LOXL2: variants seen among roughly 807,000 people sequenced by gnomAD.
LOXL2 encodes lysyl oxidase like 2.
A neutral mutation model predicts 93.0 loss-of-function variants in LOXL2; 70 were observed. That is an observed-to-expected ratio of 0.75 (90% CI 0.62 to 0.92). The LOEUF (loss-of-function observed/expected upper bound fraction) is 0.92, where lower values mean the gene tolerates loss of function less well. Among genes scored for constraint, LOXL2 ranks in the 40% least tolerant of loss-of-function variants. The pLI is 0.00. For missense variants in LOXL2, 973 were observed against 1,054.9 expected, an observed-to-expected ratio of 0.92 and a Z score of 1.08; for synonymous variants, 438 against 413.2, an observed-to-expected ratio of 1.06 and a Z score of -0.73.
At chr8:23,360,832 G>A (rs1804277148) in intron 2 of LOXL2, among the ~76,000 whole-genome samples, 1 of 152,144 alleles carries the variant, frequency 6.6e-6, no homozygotes. Context: ...AGCAGAGGCT[G>A]AACTTTGACC....
intron 9 of LOXL2, among the ~76,000 whole-genome samples, chr8:23,310,766 A>G (rs60707738): frequency 0.053 from 8,045 of 152,292 alleles, 480 homozygotes; most frequent in African/African-American, 0.14. Context: ...GCCCCACAGG[A>G]GAGTTTTCCC....
intron 1 of LOXL2, among the ~76,000 whole-genome samples, chr8:23,376,970 G>A (rs1232512929): frequency 6.6e-6 from 1 of 151,922 alleles, no homozygotes; most frequent in Non-Finnish European, 1.5e-5. Flanking sequence ...GTTATTTCTT[G>A]CCTTCTGCTA....
intron 6 of LOXL2, among the ~76,000 whole-genome samples, chr8:23,328,107 G>A (rs1438881494): frequency 6.6e-6 from 1 of 152,128 alleles, no homozygotes; most frequent in Non-Finnish European, 1.5e-5. Flanking sequence ...AGACCTACGG[G>A]GGAGTATTCA....
intron 1 of LOXL2, chr8:23,382,319 C>T (rs1432460193): frequency 6.6e-6 from 1 of 152,056 alleles, no homozygotes; most frequent in East Asian, 1.9e-4. Flanking sequence ...AGTTCAAGAC[C>T]AGCCTGACCA....
intron 7 of LOXL2, among the ~76,000 whole-genome samples, chr8:23,321,473 C>A (rs1306436447): frequency 6.6e-6 from 1 of 152,204 alleles, no homozygotes; most frequent in South Asian, 2.1e-4. Flanking sequence ...CCACGTAGAG[C>A]GTCAGCATCC....
chr8:23,388,072 C>A (rs1804790505), intron 1 of LOXL2, among the ~76,000 whole-genome samples: 1 of 152,162 alleles, frequency 6.6e-6, no homozygotes, highest in Admixed American at 6.5e-5. Flanking sequence ...ATAAAAATAG[C>A]AGCTAATATA....
intron 8 of LOXL2, 136 bp downstream of exon 8, chr8:23,319,749 C>T: frequency 1.0e-6 from 1 of 954,040 alleles, no homozygotes; most frequent in South Asian, 1.6e-5. Context: ...AGGCTCCCTG[C>T]CTCTGGGTCC....
chr8:23,380,653 T>C (rs1278653780), intron 1 of LOXL2, among the ~76,000 whole-genome samples: 1 of 152,134 alleles, frequency 6.6e-6, no homozygotes, highest in African/African-American at 2.4e-5. Flanking sequence ...TTTGTTGTTG[T>C]TGTTCTTTAT....
Position 23,385,937 on chromosome 8 carries a change from A to G in LOXL2, c.-83-17503T>C, listed in dbSNP as rs989154232. On this transcript the variant is annotated intron_variant, in intron 1 of 13. Coordinates refer to ENST00000389131, the MANE Select transcript of LOXL2 (RefSeq NM_002318.3). ...GCGTTTGCAGCGCATCTCAATTCCAAGCAGCACATTGCAAGTGTTTGGTGG... is the reference window on the plus strand; with the variant it reads ...GCGTTTGCAGCGCATCTCAATTCCAGGCAGCACATTGCAAGTGTTTGGTGG... The G allele has an allele frequency of 5.2e-6, 4 of 765,180 alleles. No homozygotes were observed. The African/African-American group carries it at 6.8e-5, about 13-fold the overall frequency. 47.4% of individuals were successfully genotyped at this position (765,180 alleles called of 1,614,324 possible).
chr8:23,402,998 T>G (rs956670406), intron 1 of LOXL2, among the ~76,000 whole-genome samples: 2 of 152,102 alleles, frequency 1.3e-5, no homozygotes, highest in Middle Eastern at 6.8e-3. Context: ...GGCTGTTTTT[T>G]GATGGTCTTA....
At chr8:23,372,958 G>A (rs1452637702) in intron 1 of LOXL2, among the ~76,000 whole-genome samples, 2 of 152,078 alleles carry the variant, frequency 1.3e-5, no homozygotes, top group Non-Finnish European at 2.9e-5. Flanking sequence ...GGGACACATG[G>A]AACATATAAT....
intron 8 of LOXL2, among the ~76,000 whole-genome samples, chr8:23,318,187 AAC>A (rs1491235854): frequency 3.3e-5 from 1 of 30,368 alleles, no homozygotes; most frequent in African/African-American, 5.9e-5. Context: ...AAAAAAAAAA[AAC>A]CCAAAAAACC....
At chr8:23,319,221 G>GA (rs1803453919) in intron 8 of LOXL2, among the ~76,000 whole-genome samples, 1 of 151,750 alleles carries the variant, frequency 6.6e-6, no homozygotes, top group Non-Finnish European at 1.5e-5. Flanking sequence ...ACAGCCAGCT[G>GA]GTGGGAATGC....
intron 1 of LOXL2, among the ~76,000 whole-genome samples, chr8:23,398,369 C>T (rs73549895): frequency 2.0e-4 from 30 of 152,204 alleles, no homozygotes; most frequent in African/African-American, 5.1e-4. Context: ...GCTTGTCTGA[C>T]GTGGATCGTA....
intron 6 of LOXL2, 135 bp downstream of exon 6, chr8:23,328,247 A>G: frequency 1.2e-6 from 1 of 868,260 alleles, no homozygotes; most frequent in Non-Finnish European, 1.8e-6. Context: ...GAGGCCTGGG[A>G]TTCTCTCCCA....
intron 1 of LOXL2, chr8:23,385,692 G>A (rs981357061): frequency 1.9e-6 from 1 of 531,112 alleles, no homozygotes; most frequent in Non-Finnish European, 3.4e-6. Flanking sequence ...GTCTGGATGA[G>A]CACTGCCCAA....
chr8:23,352,559 G>A (rs187202889), intron 3 of LOXL2, among the ~76,000 whole-genome samples: 6 of 152,024 alleles, frequency 3.9e-5, no homozygotes, highest in African/African-American at 9.7e-5. Context: ...ACCCTCTGCC[G>A]CCCCCAGACA....
chr8:23,310,248 G>T (rs936260929), intron 9 of LOXL2, among the ~76,000 whole-genome samples: 2 of 152,144 alleles, frequency 1.3e-5, no homozygotes, highest in African/African-American at 4.8e-5. Flanking sequence ...GAGCACGTGG[G>T]GGTTGATTAT....
chr8:23,303,427 C>T, intron 10 of LOXL2, 30 bp from the exon 11 acceptor site: 1 of 1,343,528 alleles, frequency 7.4e-7, no homozygotes, highest in Non-Finnish European at 1.1e-6. Flanking sequence ...GCCTGGAGGT[C>T]AGTTTCTGGA....
Sources: allele counts gnomAD v4.1 joint callset (sites outside exome capture counted in the v4.1 genomes callset), GRCh38; gene constraint gnomAD v4.1.1; transcripts MANE v1.5; gene names NCBI Gene and HGNC (gene_info 2026-07-23, HGNC 2026-07-21).